Variants in PTPRN2 observed in about 807,000 individuals in gnomAD.
The protein encoded by PTPRN2 is receptor-type tyrosine-protein phosphatase N2.
In PTPRN2, 74 loss-of-function variants were observed where a neutral mutation model predicts 118.8. That is an observed-to-expected ratio of 0.62 (90% CI 0.52 to 0.76). The LOEUF (loss-of-function observed/expected upper bound fraction) is 0.76. Ranked by LOEUF, PTPRN2 falls within the 30% of genes least tolerant of loss-of-function variation. PTPRN2 has a pLI of 0.00. For synonymous variants in PTPRN2, 641 were observed against 608.0 expected (o/e 1.05, Z -0.80); for missense variants, 1,481 against 1,394.4 (o/e 1.06, Z -0.99).
intron 16 of PTPRN2, among the ~76,000 whole-genome samples, chr7:157,595,807 G>C (rs1023599509): frequency 3.3e-5 from 5 of 152,176 alleles, no homozygotes; most frequent in African/African-American, 1.2e-4. Flanking sequence ...GCACAGGTAG[G>C]GACCCAGCTG....
chr7:157,775,984 G>A (rs904391748), intron 12 of PTPRN2, among the ~76,000 whole-genome samples: 1 of 151,978 alleles, frequency 6.6e-6, no homozygotes, highest in Non-Finnish European at 1.5e-5. Flanking sequence ...GGGCCCGGGG[G>A]GATAGCCGCA....
intron 3 of PTPRN2, among the ~76,000 whole-genome samples, chr7:158,213,339 C>T (rs1827744265): frequency 1.3e-5 from 2 of 152,020 alleles, no homozygotes; most frequent in African/African-American, 4.8e-5. Context: ...TTCATGAACA[C>T]ACAAATATTT....
chr7:158,295,788 C>G (rs1250072716), intron 3 of PTPRN2, among the ~76,000 whole-genome samples: 2 of 152,040 alleles, frequency 1.3e-5, no homozygotes, highest in East Asian at 3.9e-4. Flanking sequence ...CACGGTTCAC[C>G]CGCCTTTCTG....
At position 157,964,428 on chromosome 7, in the gene PTPRN2, T is replaced by C. The variant is rs1388821326; in HGVS notation, c.1724-65691A>G. On this transcript the variant is annotated intron_variant, in intron 11 of 22. Coordinates refer to ENST00000389418, the MANE Select transcript of PTPRN2 (RefSeq NM_002847.5). This position sits in a 1 kb window ranked among gnomAD's most constrained non-coding sequence, Gnocchi z 9.0. ...ACATTTGACCCTAACATTCCAGTTT[T>C]GTGCTACCAAAAAAAAAAAAATCAC... is the stretch of plus-strand genomic sequence containing the variant. Among the ~76,000 whole-genome samples the C allele has an allele frequency of 6.6e-6, 1 of 151,654 alleles. No homozygotes were observed. Among genetic ancestry groups the C allele is most frequent in the African/African-American group, 2.4e-5 (1 of 41,108 alleles).
At chr7:157,698,432 G>T (rs528516551) in intron 12 of PTPRN2, among the ~76,000 whole-genome samples, 3 of 152,148 alleles carry the variant, frequency 2.0e-5, no homozygotes, top group Non-Finnish European at 4.4e-5. Context: ...CCCACCAATG[G>T]CTTGACATGC....
chr7:157,940,064 A>G (rs2128789601), intron 11 of PTPRN2, among the ~76,000 whole-genome samples: 1 of 152,296 alleles, frequency 6.6e-6, no homozygotes, highest in East Asian at 1.9e-4. Flanking sequence ...TTGAGAGCAG[A>G]GAGGCCCCCG....
intron 9 of PTPRN2, among the ~76,000 whole-genome samples, chr7:158,127,329 C>T (rs1015447222): frequency 2.4e-4 from 36 of 152,250 alleles, no homozygotes; most frequent in African/African-American, 6.3e-4. Flanking sequence ...CCTCTGCTTG[C>T]GCCCTGCATC....
chr7:158,388,307 G>A (rs181910894), intron 2 of PTPRN2, among the ~76,000 whole-genome samples: 46 of 152,214 alleles, frequency 3.0e-4, no homozygotes, highest in South Asian at 8.3e-4. Context: ...TTCTGGGCTC[G>A]GTCCCGCAAG....
At chr7:158,111,379 CAG>C (rs1816258887) in intron 9 of PTPRN2, among the ~76,000 whole-genome samples, 1 of 152,132 alleles carries the variant, frequency 6.6e-6, no homozygotes, top group Non-Finnish European at 1.5e-5. Context: ...GGCAGCAACT[CAG>C]GGCAGGGGGC....
intron 3 of PTPRN2, among the ~76,000 whole-genome samples, chr7:158,241,090 T>A (rs1039720997): frequency 6.6e-6 from 1 of 152,362 alleles, no homozygotes; most frequent in African/African-American, 2.4e-5. Flanking sequence ...TCCAGCTTCA[T>A]GGTGGAAGCA....
At chr7:158,284,518 A>T (rs561863002) in intron 3 of PTPRN2, among the ~76,000 whole-genome samples, 2 of 152,232 alleles carry the variant, frequency 1.3e-5, no homozygotes, top group Non-Finnish European at 2.9e-5. Context: ...TAATAGGAAG[A>T]GTGAGAATTT....
intron 1 of PTPRN2, among the ~76,000 whole-genome samples, chr7:158,567,497 T>C (rs1827731458): frequency 6.6e-6 from 1 of 152,238 alleles, no homozygotes; most frequent in African/African-American, 2.4e-5. Flanking sequence ...GCAGGCTCTA[T>C]GCAGACCTCC....
intron 11 of PTPRN2, among the ~76,000 whole-genome samples, chr7:158,025,765 C>G (rs1807216418): frequency 6.6e-6 from 1 of 152,200 alleles, no homozygotes; most frequent in Admixed American, 6.5e-5. Flanking sequence ...AAGCTTTGTG[C>G]AGTAATTGAC....
chr7:157,811,220 G>A (rs1806012258), intron 12 of PTPRN2, among the ~76,000 whole-genome samples: 1 of 150,002 alleles, frequency 6.7e-6, no homozygotes, highest in African/African-American at 2.5e-5. Flanking sequence ...GCAGTGAGCG[G>A]AGATCGCACC....
chr7:158,486,474 T>G (rs1821032712), intron 2 of PTPRN2, among the ~76,000 whole-genome samples: 1 of 152,224 alleles, frequency 6.6e-6, no homozygotes, highest in African/African-American at 2.4e-5. Flanking sequence ...TTCCTCATAT[T>G]TAGGATGCCC....
At chr7:158,379,914 T>C (rs1467158692) in intron 2 of PTPRN2, among the ~76,000 whole-genome samples, 1 of 152,156 alleles carries the variant, frequency 6.6e-6, no homozygotes, top group Non-Finnish European at 1.5e-5. Flanking sequence ...ACATCTCACA[T>C]GGATGACAGC....
intron 3 of PTPRN2, among the ~76,000 whole-genome samples, chr7:158,259,727 TTG>T (rs1797264847): frequency 6.7e-6 from 1 of 148,550 alleles, no homozygotes; most frequent in Non-Finnish European, 1.5e-5. Flanking sequence ...GTATGTGTGT[TTG>T]TGTGTCCATG....
intron 2 of PTPRN2, among the ~76,000 whole-genome samples, chr7:158,405,725 C>T (rs1028267724): frequency 2.6e-5 from 4 of 152,372 alleles, no homozygotes; most frequent in Non-Finnish European, 4.4e-5. Context: ...TTGGAAAACT[C>T]GGAAAACCTT....
chr7:157,852,083 C>T (rs747042143), intron 12 of PTPRN2, among the ~76,000 whole-genome samples: 7 of 152,200 alleles, frequency 4.6e-5, no homozygotes, highest in African/African-American at 7.2e-5. Context: ...CTGTTTGCAG[C>T]GGTGCCCGCT....
Sources: allele counts gnomAD v4.1 joint callset (sites outside exome capture counted in the v4.1 genomes callset), GRCh38; gene constraint gnomAD v4.1.1; non-coding constraint Gnocchi (gnomAD v3.1); transcripts MANE v1.5; gene names NCBI Gene and HGNC (gene_info 2026-07-23, HGNC 2026-07-21).